The following DPP10 variants were observed in gnomAD, a reference collection of about 807,000 sequenced individuals.
DPP10 encodes the protein inactive dipeptidyl peptidase 10.
In DPP10, 33 loss-of-function variants were observed where a neutral mutation model predicts 120.9. The ratio of observed to expected loss-of-function variants is 0.27; its 90% confidence interval spans 0.21 to 0.37. The LOEUF is 0.37. Among genes scored for constraint, DPP10 ranks in the 10% least tolerant of loss-of-function variants. DPP10 has a pLI of 1.00. For missense variants in DPP10, 816 were observed against 942.8 expected, an observed-to-expected ratio of 0.87 and a Z score of 1.76; for synonymous variants, 337 against 326.1, an observed-to-expected ratio of 1.03 and a Z score of -0.36.
intron 17 of DPP10, 86 bp downstream of exon 17, chr2:115,782,485 A>G: frequency 7.7e-7 from 1 of 1,293,670 alleles, no homozygotes; most frequent in African/African-American, 1.5e-5. Context: ...CATATCCTCT[A>G]TAAATTCTTC....
intron 1 of DPP10, among the ~76,000 whole-genome samples, chr2:115,183,554 A>G (rs921871302): frequency 1.3e-5 from 2 of 152,182 alleles, no homozygotes; most frequent in Non-Finnish European, 1.5e-5. Context: ...GTGAATTTGC[A>G]TTTGTAGTAG....
rs187381066 is a variant in DPP10 at position 114,639,716 on chromosome 2, C to A, written c.60+196878C>A. On this transcript the variant is annotated intron_variant, in intron 1 of 25. Transcript: ENST00000410059. ...AGTTGTCAATTTGCAAAGAATATTT[C>A]AAGTTTAAGGCCTTTATTCTGTACT... Among the ~76,000 whole-genome samples, 10 of 151,942 alleles carry A rather than the reference C, an allele frequency of 6.6e-5. No homozygotes were observed. The East Asian group carries it at 1.9e-3, about 29-fold the overall frequency.
intron 1 of DPP10, chr2:115,131,926 TA>T (rs112608146): frequency 0.12 from 17,269 of 138,382 alleles, 1,255 homozygotes; most frequent in East Asian, 0.31. Context: ...CTGTCTCTAC[TA>T]AAAAAAAAAA....
chr2:115,377,727 G>T (rs1030813189), intron 3 of DPP10, among the ~76,000 whole-genome samples: 2 of 151,936 alleles, frequency 1.3e-5, no homozygotes, highest in African/African-American at 4.8e-5. Flanking sequence ...ATTGATTTTT[G>T]TATAAGGTGT....
intron 1 of DPP10, among the ~76,000 whole-genome samples, chr2:114,599,404 G>A (rs955842053): frequency 1.3e-5 from 2 of 151,752 alleles, no homozygotes; most frequent in African/African-American, 4.8e-5. Context: ...ACCACCACCT[G>A]TGGGGGCAAC....
chr2:114,875,585 T>G (rs1218467377), intron 1 of DPP10, among the ~76,000 whole-genome samples: 2 of 152,112 alleles, frequency 1.3e-5, no homozygotes, highest in Non-Finnish European at 2.9e-5. Context: ...AGAAAAGAAG[T>G]AAGGCAGTTC....
chr2:115,147,412 C>A (rs2051287764), intron 1 of DPP10, among the ~76,000 whole-genome samples: 1 of 151,964 alleles, frequency 6.6e-6, no homozygotes, highest in Non-Finnish European at 1.5e-5. Context: ...CTCTGCTATG[C>A]TTCTAAGTCA....
chr2:115,055,562 G>C (rs1336354598), intron 1 of DPP10, among the ~76,000 whole-genome samples: 7 of 152,134 alleles, frequency 4.6e-5, no homozygotes, highest in Admixed American at 2.6e-4. Context: ...TTTTATAATT[G>C]AAATATAAAA....
intron 1 of DPP10, among the ~76,000 whole-genome samples, chr2:114,628,825 T>C (rs1322208312): frequency 3.9e-5 from 6 of 152,276 alleles, no homozygotes; most frequent in Middle Eastern, 3.4e-3. Context: ...TATTGTTTCG[T>C]GCAGTCCTTG....
At chr2:115,166,939 C>A (rs2052920476) in intron 1 of DPP10, among the ~76,000 whole-genome samples, 1 of 152,154 alleles carries the variant, frequency 6.6e-6, no homozygotes, top group South Asian at 2.1e-4. Context: ...GTAGCAGACA[C>A]AATGCCAGAA....
intron 7 of DPP10, among the ~76,000 whole-genome samples, chr2:115,709,098 G>A (rs761199974): frequency 2.0e-5 from 3 of 152,118 alleles, no homozygotes; most frequent in Admixed American, 6.6e-5. Context: ...GATTTTCGAA[G>A]GGAGTGAAAT....
chr2:115,685,449 T>A (rs540570374), intron 5 of DPP10, among the ~76,000 whole-genome samples: 1 of 152,148 alleles, frequency 6.6e-6, no homozygotes, highest in Admixed American at 6.6e-5. Flanking sequence ...ATGTAATGTT[T>A]CTTGGCCTTG....
At chr2:115,017,556 A>G (rs1183953929) in intron 1 of DPP10, among the ~76,000 whole-genome samples, 10 of 152,206 alleles carry the variant, frequency 6.6e-5, no homozygotes, top group Non-Finnish European at 1.2e-4. Flanking sequence ...ATGCATGCAT[A>G]TGTTTATTGC....
intron 1 of DPP10, among the ~76,000 whole-genome samples, chr2:115,205,209 A>G (rs1302543677): frequency 6.6e-6 from 1 of 152,066 alleles, no homozygotes; most frequent in African/African-American, 2.4e-5. Flanking sequence ...TTCTTCTATA[A>G]TTTTTGTAGT....
chr2:114,680,067 A>G (rs1698926436), intron 1 of DPP10, among the ~76,000 whole-genome samples: 1 of 152,036 alleles, frequency 6.6e-6, no homozygotes, highest in South Asian at 2.1e-4. Flanking sequence ...CTGTTGGCAC[A>G]TCTGTACTTT....
chr2:114,669,955 C>G (rs13397760), intron 1 of DPP10, among the ~76,000 whole-genome samples: 18,579 of 151,966 alleles, frequency 0.12, 3,799 homozygotes, highest in African/African-American at 0.42. Context: ...AAATGCAAAT[C>G]AAAACCACAA....
At chr2:114,900,907 C>T (rs926763521) in intron 1 of DPP10, among the ~76,000 whole-genome samples, 4 of 152,020 alleles carry the variant, frequency 2.6e-5, no homozygotes, top group African/African-American at 9.7e-5. Context: ...AAAAACTATG[C>T]ATGTATTTCA....
chr2:115,228,994 A>G (rs1465736826), intron 1 of DPP10, among the ~76,000 whole-genome samples: 3 of 152,064 alleles, frequency 2.0e-5, no homozygotes, highest in Admixed American at 2.0e-4. Flanking sequence ...ATTCCCACCA[A>G]CAGTGTACAA....
At chr2:114,538,486 C>T (rs1302878002) in intron 1 of DPP10, among the ~76,000 whole-genome samples, 1 of 152,084 alleles carries the variant, frequency 6.6e-6, no homozygotes, top group Non-Finnish European at 1.5e-5. Context: ...ATAAAAAAGC[C>T]AATAGGACTA....
Sources: allele counts gnomAD v4.1 joint callset (sites outside exome capture counted in the v4.1 genomes callset), GRCh38; gene constraint gnomAD v4.1.1; transcripts MANE v1.5; gene names NCBI Gene and HGNC (gene_info 2026-07-23, HGNC 2026-07-21).